Variants in LRRC37A2 observed in about 807,000 individuals in gnomAD.
The protein encoded by LRRC37A2 is leucine-rich repeat-containing protein 37A2.
Under a neutral mutation model 68.8 loss-of-function variants are expected in LRRC37A2, and 9 were observed. That is an observed-to-expected ratio of 0.13 (90% CI 0.08 to 0.23). The LOEUF (loss-of-function observed/expected upper bound fraction) is 0.23, where lower values mean the gene tolerates loss of function less well. Ranked by LOEUF, LRRC37A2 falls within the 10% of genes least tolerant of loss-of-function variation. The probability of loss-of-function intolerance (pLI) is 1.00; values close to 1 mark genes in which losing one functional copy is unlikely to be tolerated. For missense variants in LRRC37A2, 168 were observed against 950.4 expected (o/e 0.18, Z 10.82); for synonymous variants, 63 against 367.6 (o/e 0.17, Z 9.48).
At chr17:46,717,753 G>GGTGGCA in the LRRC37A2 span, among the ~76,000 whole-genome samples, 1 of 152,162 alleles carries the variant, frequency 6.6e-6, no homozygotes, top group South Asian at 2.1e-4. Context: ...GAGTGGGCCT[G>GGTGGCA]GTGGCAGTGG....
At chr17:47,029,483 A>G in the LRRC37A2 span, among the ~76,000 whole-genome samples, 1 of 152,098 alleles carries the variant, frequency 6.6e-6, no homozygotes, top group Admixed American at 6.5e-5. Flanking sequence ...AAGACTTTCC[A>G]CCTGCCTTGT....
the LRRC37A2 span, among the ~76,000 whole-genome samples, chr17:46,869,401 C>T: frequency 6.6e-6 from 1 of 152,230 alleles, no homozygotes; most frequent in Non-Finnish European, 1.5e-5. Flanking sequence ...GTCTCTTCCC[C>T]TGGGCATCGC....
the LRRC37A2 span, among the ~76,000 whole-genome samples, chr17:46,773,329 C>G: frequency 6.6e-6 from 1 of 152,236 alleles, no homozygotes; most frequent in East Asian, 1.9e-4. Context: ...CTCTCACCCC[C>G]ACCCCAAAGC....
At chr17:47,002,176 T>G in the LRRC37A2 span, among the ~76,000 whole-genome samples, 1 of 152,186 alleles carries the variant, frequency 6.6e-6, no homozygotes, top group Non-Finnish European at 1.5e-5. Context: ...TGTTGCTTTG[T>G]GTGCCAATAG....
the LRRC37A2 span, among the ~76,000 whole-genome samples, chr17:46,605,378 G>T: frequency 7.6e-6 from 1 of 131,094 alleles, no homozygotes; most frequent in Non-Finnish European, 1.7e-5. Flanking sequence ...AACCTGGGAG[G>T]TGGAGGTTGC....
chr17:47,008,551 CG>C, the LRRC37A2 span, among the ~76,000 whole-genome samples: 1 of 151,506 alleles, frequency 6.6e-6, no homozygotes, highest in Non-Finnish European at 1.5e-5. Context: ...CTCCACCTCC[CG>C]GGTTCAAGCA....
At chr17:46,826,781 CTTT>C in the LRRC37A2 span, among the ~76,000 whole-genome samples, 355 of 117,652 alleles carry the variant, frequency 3.0e-3, no homozygotes, top group Non-Finnish European at 3.0e-3. Context: ...ATCAGCTGCT[CTTT>C]TTTTTTTTTT....
the LRRC37A2 span, among the ~76,000 whole-genome samples, chr17:46,853,016 C>T: frequency 6.6e-6 from 1 of 152,128 alleles, no homozygotes; most frequent in African/African-American, 2.4e-5. Context: ...CTCACTTTCT[C>T]CTTTTGTACA....
chr17:46,838,790 C>T, the LRRC37A2 span, among the ~76,000 whole-genome samples: 1 of 152,134 alleles, frequency 6.6e-6, no homozygotes, highest in Non-Finnish European at 1.5e-5. Flanking sequence ...TTTACAAAAA[C>T]AGATAATTTG....
chr17:46,929,360 G>A, the LRRC37A2 span, among the ~76,000 whole-genome samples: 1 of 152,206 alleles, frequency 6.6e-6, no homozygotes, highest in Non-Finnish European at 1.5e-5. Flanking sequence ...TAGAAACCAT[G>A]CCAAAACGTG....
chr17:46,874,862 G>A, the LRRC37A2 span: 1 of 645,556 alleles, frequency 1.5e-6, no homozygotes, highest in South Asian at 1.8e-5. Context: ...AGGGGCACGA[G>A]CCACTGTGCC....
At chr17:46,737,699 G>T in the LRRC37A2 span, among the ~76,000 whole-genome samples, 30 of 151,968 alleles carry the variant, frequency 2.0e-4, no homozygotes, top group Non-Finnish European at 4.0e-4. Flanking sequence ...GGTTTTATAT[G>T]TTACGTGGTT....
chr17:46,982,159 G>A, the LRRC37A2 span, among the ~76,000 whole-genome samples: 3 of 152,222 alleles, frequency 2.0e-5, no homozygotes, highest in Admixed American at 6.5e-5. Context: ...ACCCCTTGGA[G>A]CCAGGATAGA....
the LRRC37A2 span, chr17:46,931,439 T>C: frequency 1.8e-6 from 1 of 558,720 alleles, no homozygotes; most frequent in Non-Finnish European, 3.2e-6. Flanking sequence ...ACCTCTTTGG[T>C]GTCATTTTGA....
the LRRC37A2 span, among the ~76,000 whole-genome samples, chr17:47,029,751 C>T: frequency 2.6e-5 from 4 of 152,154 alleles, no homozygotes; most frequent in South Asian, 4.1e-4. Flanking sequence ...TTACTAAGCA[C>T]TTTATACAAC....
At chr17:46,712,604 C>G in the LRRC37A2 span, among the ~76,000 whole-genome samples, 1 of 152,092 alleles carries the variant, frequency 6.6e-6, no homozygotes, top group Non-Finnish European at 1.5e-5. Context: ...TGTTGAGCAG[C>G]CTGTTGGATA....
At chr17:46,778,954 C>A in the LRRC37A2 span, among the ~76,000 whole-genome samples, 1 of 152,096 alleles carries the variant, frequency 6.6e-6, no homozygotes, top group African/African-American at 2.4e-5. Context: ...AAGTGCTGAA[C>A]TGATTTGTTT....
chr17:46,437,777 A>G, the LRRC37A2 span, among the ~76,000 whole-genome samples: 34 of 129,590 alleles, frequency 2.6e-4, no homozygotes, highest in Admixed American at 5.4e-4. Context: ...GCACCTTTTC[A>G]TAATGACTGG....
the LRRC37A2 span, among the ~76,000 whole-genome samples, chr17:46,901,452 C>T: frequency 6.6e-6 from 1 of 152,072 alleles, no homozygotes; most frequent in Non-Finnish European, 1.5e-5. Context: ...TGAGCCACCA[C>T]GCCCAGCCCA....
Sources: allele counts gnomAD v4.1 joint callset (sites outside exome capture counted in the v4.1 genomes callset), GRCh38; gene constraint gnomAD v4.1.1; transcripts MANE v1.5; gene names NCBI Gene and HGNC (gene_info 2026-07-23, HGNC 2026-07-21).